Variants in MAP3K7CL observed in about 807,000 individuals in gnomAD.
MAP3K7CL encodes the protein MAP3K7 C-terminal-like protein.
In MAP3K7CL, 16 loss-of-function variants were observed where a neutral mutation model predicts 18.6. That is an observed-to-expected ratio of 0.86 (90% CI 0.58 to 1.31). The LOEUF is 1.31. Ranked by LOEUF, MAP3K7CL falls within the 50% of genes most tolerant of loss-of-function variation. The probability of loss-of-function intolerance (pLI) is 0.00; values close to 1 mark genes in which losing one functional copy is unlikely to be tolerated. For synonymous variants in MAP3K7CL, 65 were observed against 66.8 expected (o/e 0.97, Z 0.13); for missense variants, 163 against 174.4 (o/e 0.93, Z 0.37).
chr21:29,087,028 A>G (rs1330504968), intron 1 of MAP3K7CL, among the ~76,000 whole-genome samples: 3 of 152,144 alleles, frequency 2.0e-5, no homozygotes, highest in African/African-American at 7.2e-5. Flanking sequence ...GCTCCTGCCT[A>G]CTTCATGTCC....
At chr21:29,083,547 C>T (rs540942793), upstream of MAP3K7CL, among the ~76,000 whole-genome samples, 9 of 137,876 alleles carry the variant, frequency 6.5e-5, no homozygotes, top group Non-Finnish European at 9.2e-5. Context: ...AAAAATTTAT[C>T]TCAGCATTCA....
At chr21:29,104,575 C>T (rs1315148027) in intron 4 of MAP3K7CL, among the ~76,000 whole-genome samples, 1 of 152,274 alleles carries the variant, frequency 6.6e-6, no homozygotes, top group South Asian at 2.1e-4. Flanking sequence ...TTGCCGAAGC[C>T]GGGAAAGCTT....
At position 29,160,415 on chromosome 21, in the gene MAP3K7CL, G is replaced by A. The variant is rs572211714; in HGVS notation, c.248+359G>A. 1.5e-4 allele frequency among the ~76,000 whole-genome samples: 23 copies of A among 152,330 alleles called. 1 individual carries two copies. Among genetic ancestry groups the A allele is most frequent in the African/African-American group, 4.3e-4 (18 of 41,576 alleles). ...TTAAATGATGGCATTCCCACATCAC[G>A]TGAAGAAGCCACTGGGATAGCTCTT... On this transcript the variant is annotated intron_variant, in intron 4 of 4. Coordinates refer to ENST00000399928, the MANE Select transcript of MAP3K7CL (RefSeq NM_001286620.2).
At chr21:29,084,883 G>A (rs1480981717), upstream of MAP3K7CL, among the ~76,000 whole-genome samples, 1 of 152,158 alleles carries the variant, frequency 6.6e-6, no homozygotes, top group Non-Finnish European at 1.5e-5. Flanking sequence ...TTTCTGAGAT[G>A]AGTAAGAAAG....
chr21:29,081,053 G>C (rs2085826882), upstream of MAP3K7CL, among the ~76,000 whole-genome samples: 1 of 152,028 alleles, frequency 6.6e-6, no homozygotes, highest in Non-Finnish European at 1.5e-5. Context: ...TGAATATCAG[G>C]AAAGGTTTTA....
At chr21:29,077,500 C>T (rs1050319745), upstream of MAP3K7CL, 6 of 154,668 alleles carry the variant, frequency 3.9e-5, no homozygotes, top group Non-Finnish European at 7.1e-5. Context: ...CGCACCTCTC[C>T]CTCCACACCT....
intron 4 of MAP3K7CL, among the ~76,000 whole-genome samples, chr21:29,094,604 AC>A (rs1231732107): frequency 6.6e-6 from 1 of 152,200 alleles, no homozygotes; most frequent in Non-Finnish European, 1.5e-5. Flanking sequence ...ATTTGTATCA[AC>A]TAGTTGAGAA....
intron 1 of MAP3K7CL, among the ~76,000 whole-genome samples, chr21:29,088,693 A>G (rs1441952167): frequency 6.6e-6 from 1 of 152,202 alleles, no homozygotes; most frequent in East Asian, 1.9e-4. Flanking sequence ...AATCTATAAA[A>G]TGAGTGTTGG....
chr21:29,156,564 T>C (rs1412574726), intron 3 of MAP3K7CL, among the ~76,000 whole-genome samples: 1 of 152,186 alleles, frequency 6.6e-6, no homozygotes, highest in Admixed American at 6.5e-5. Flanking sequence ...ATATTGTCTC[T>C]TATTTTGAGG....
At chr21:29,096,261 G>A (rs943203098) in intron 4 of MAP3K7CL, among the ~76,000 whole-genome samples, 1 of 152,156 alleles carries the variant, frequency 6.6e-6, no homozygotes, top group African/African-American at 2.4e-5. Flanking sequence ...TATACCTTAG[G>A]TGCGTACTTT....
At chr21:29,135,804 C>T (rs1423351783) in intron 2 of MAP3K7CL, among the ~76,000 whole-genome samples, 2 of 151,876 alleles carry the variant, frequency 1.3e-5, no homozygotes, top group Non-Finnish European at 2.9e-5. Flanking sequence ...AATAGGTAGC[C>T]TCAAAAAAGG....
chr21:29,132,598 C>G (rs887669689), intron 1 of MAP3K7CL, among the ~76,000 whole-genome samples: 2 of 152,034 alleles, frequency 1.3e-5, no homozygotes, highest in African/African-American at 4.8e-5. Flanking sequence ...CAACCTCTGC[C>G]TCCCGGGTTC....
chr21:29,087,289 A>G (rs2085941408), intron 1 of MAP3K7CL, among the ~76,000 whole-genome samples: 1 of 152,060 alleles, frequency 6.6e-6, no homozygotes, highest in Non-Finnish European at 1.5e-5. Flanking sequence ...ACCCTATTTT[A>G]TTTTTATCCT....
intron 4 of MAP3K7CL, among the ~76,000 whole-genome samples, chr21:29,092,936 C>T (rs192938108): frequency 2.4e-4 from 37 of 152,344 alleles, no homozygotes; most frequent in Admixed American, 5.9e-4. Flanking sequence ...AGGAGTCTCT[C>T]TCTGTCACCC....
intron 4 of MAP3K7CL, among the ~76,000 whole-genome samples, chr21:29,172,241 C>CTTTTTTTTTTTTTT (rs35612617): frequency 2.2e-4 from 28 of 126,286 alleles, no homozygotes; most frequent in East Asian, 6.9e-4. Context: ...TTGTCATTTT[C>CTTTTTTTTTTTTTT]TTTTTTTTTT....
intron 3 of MAP3K7CL, among the ~76,000 whole-genome samples, chr21:29,158,321 C>T (rs997083966): frequency 5.3e-5 from 8 of 152,024 alleles, no homozygotes; most frequent in Non-Finnish European, 1.0e-4. Flanking sequence ...TACTACTGTG[C>T]GTTATTTTTC....
At chr21:29,093,668 T>G (rs2086070225) in intron 4 of MAP3K7CL, among the ~76,000 whole-genome samples, 1 of 151,922 alleles carries the variant, frequency 6.6e-6, no homozygotes, top group African/African-American at 2.4e-5. Flanking sequence ...TTTTTTTTTT[T>G]TAGTAGAGAT....
intron 4 of MAP3K7CL, among the ~76,000 whole-genome samples, chr21:29,104,489 C>A (rs146797755): frequency 6.6e-6 from 1 of 152,160 alleles, no homozygotes; most frequent in South Asian, 2.1e-4. Context: ...AAATCCCCCA[C>A]GTGGAGGCAA....
Position 29,088,751 on chromosome 21 carries a change from G to A in MAP3K7CL, c.58-2750G>A, listed in dbSNP as rs144655263. Among the ~76,000 whole-genome samples, 10 of 152,304 alleles carry A rather than the reference G, an allele frequency of 6.6e-5. No homozygotes were observed. The East Asian group carries it at 1.9e-3, about 29-fold the overall frequency. Reference sequence around the variant, plus strand: ...ATGTGTGTGTGTTGAAGAAAGCAGAGAGAGTCTACCATTTGGGCGCTGCTT... The same window carrying A: ...ATGTGTGTGTGTTGAAGAAAGCAGAAAGAGTCTACCATTTGGGCGCTGCTT... On this transcript the variant is annotated intron_variant, in intron 1 of 6. Coordinates refer to the MAP3K7CL transcript ENST00000286791.
Sources: gnomAD v4.1 joint callset for allele counts (sites outside exome capture counted in the v4.1 genomes callset) on GRCh38, gnomAD v4.1.1 for gene constraint, MANE v1.5 for transcripts, NCBI Gene and HGNC (gene_info 2026-07-23, HGNC 2026-07-21) for gene names.